Variants in TASL observed in about 807,000 individuals in gnomAD.
TASL encodes the protein TLR adapter interacting with SLC15A4 on the lysosome.
TASL carries 6 observed loss-of-function variants against 12.9 expected under a neutral mutation model. That is an observed-to-expected ratio of 0.46 (90% CI 0.25 to 0.92). The LOEUF is 0.92. TASL is among the 40% of genes least tolerant of loss of function. The pLI is 0.17. For missense variants in TASL, 165 were observed against 212.8 expected, an observed-to-expected ratio of 0.78 and a Z score of 1.40; for synonymous variants, 85 against 79.3, an observed-to-expected ratio of 1.07 and a Z score of -0.38.
intron 2 of TASL, among the ~76,000 whole-genome samples, chrX:30,570,742 A>C (rs1185801445): frequency 8.9e-6 from 1 of 112,364 alleles, no homozygotes; most frequent in Non-Finnish European, 1.9e-5. Context: ...GGAGGCTTTT[A>C]AAAGACCTTT....
rs1472086282 is a variant in TASL at position 30,576,342 on chromosome X, G to A, written c.-2+410C>T. Reference sequence around the variant, plus strand: ...AGCAACATACTTTCAAACCATTCAGGGAAAAAACTGTGCATATGTGCATGC... The same window carrying A: ...AGCAACATACTTTCAAACCATTCAGAGAAAAAACTGTGCATATGTGCATGC... On this transcript the variant is annotated intron_variant, in intron 2 of 2. Transcript: ENST00000378962. 2.7e-5 allele frequency among the ~76,000 whole-genome samples: 3 copies of A among 110,431 alleles called. No homozygotes were observed. In the East Asian group the frequency reaches 8.4e-4, roughly 31 times the overall value.
chrX:30,560,159 G>C lies in TASL; in HGVS notation c.197C>G (p.Ser66Cys), dbSNP rs1930397427. 1 of 1,208,793 alleles carries C rather than the reference G, an allele frequency of 8.3e-7. No homozygotes were observed. Among genetic ancestry groups the C allele is most frequent in the Non-Finnish European group, 1.1e-6 (1 of 894,513 alleles). ...TTGGCTCTCTCTTGAATGCACTGAA[G>C]AGATAAACTTGCCAGATGATTTGCA... The part of the protein sequence containing the change: ...VSCKSSGKFI[S>C]SVHSRESQHS... The change falls in exon 3 of 3, where the codon TCT becomes TGT. Residue 66 changes from serine to cysteine, a missense_variant. Physicochemically the swap from Ser to Cys is moderately radical, Grantham distance 112. Transcript: ENST00000378962.
intron 2 of TASL, among the ~76,000 whole-genome samples, chrX:30,571,646 G>A (rs1279984381): frequency 1.9e-5 from 2 of 107,688 alleles, no homozygotes; most frequent in Non-Finnish European, 3.9e-5. Flanking sequence ...GGGGGGGGGG[G>A]CATTACTGCA....
chrX:30,559,902 A>G lies in TASL; in HGVS notation c.454T>C (p.Tyr152His). 1 of 1,211,702 alleles carries G rather than the reference A, an allele frequency of 8.3e-7. No individual in the cohort carries two copies. Among genetic ancestry groups the G allele is most frequent in the Non-Finnish European group, 1.1e-6 (1 of 895,311 alleles). Residue 152 changes from tyrosine to histidine, a missense_variant, in exon 3 of 3, where the codon TAT becomes CAT. Transcript: ENST00000378962. ...TCAGATGACTTCAGCAAAGGGCCAT[A>G]TTCAAAACTGCTCTCAGAGGGAAAA... ...TDFPSESSFE[Y>H]GPLLKSSEIP... is the part of the protein sequence containing the mutation.
At chrX:30,570,873 T>C (rs1053175691) in intron 2 of TASL, among the ~76,000 whole-genome samples, 9 of 111,535 alleles carry the variant, frequency 8.1e-5, no homozygotes, top group Non-Finnish European at 1.5e-4. Context: ...TCTTCCACTT[T>C]AATGCACTTA....
chrX:30,560,821 T>C (rs748739460), intron 2 of TASL, among the ~76,000 whole-genome samples: 11 of 110,062 alleles, frequency 1.0e-4, no homozygotes, highest in South Asian at 4.0e-4. Context: ...ACTCACCACA[T>C]ACAAAGAAGC....
chrX:30,567,630 G>A (rs1930518532), intron 2 of TASL, among the ~76,000 whole-genome samples: 1 of 111,672 alleles, frequency 9.0e-6, no homozygotes, highest in Non-Finnish European at 1.9e-5. Context: ...GTGAGAGGAA[G>A]GGGACAAAGT....
In TASL at chrX:30,571,270, G is replaced by GAAAGAAAGAA. The variant is rs1569306089; in HGVS notation, c.-2+5472_-2+5481dup. On this transcript the variant is annotated intron_variant, in intron 2 of 2. Coordinates refer to ENST00000378962, the MANE Select transcript of TASL (RefSeq NM_025159.3). ...AGAGAAAGAAAGAGAAAGAAAGAAA[G>GAAAGAAAGAA]AAAGAAAGAAAGAAAGAAAGAAAGA... Among the ~76,000 whole-genome samples the GAAAGAAAGAA allele has an allele frequency of 2.3e-3, 110 of 48,519 alleles. 4 individuals are homozygous for GAAAGAAAGAA. The highest frequency in any genetic ancestry group is 5.6e-3 in the African/African-American group (87 of 15,600). The allele number at this position is 48,519 out of a possible 115,157, so 42.1% of individuals were successfully genotyped here.
At chrX:30,577,557 T>C (rs1205295717) in intron 1 of TASL, 81 bp downstream of exon 1, 1 of 112,010 alleles carries the variant, frequency 8.9e-6, no homozygotes, top group Non-Finnish European at 1.9e-5. Flanking sequence ...GCTCTCGTGA[T>C]AAAGGGCTAA....
At chrX:30,564,841 G>A (rs778927468) in intron 2 of TASL, among the ~76,000 whole-genome samples, 32 of 111,702 alleles carry the variant, frequency 2.9e-4, no homozygotes, top group African/African-American at 1.0e-3. Flanking sequence ...CTTAAACTCG[G>A]ATAGCCTGAG....
chrX:30,570,779 T>C (rs947916535), intron 2 of TASL, among the ~76,000 whole-genome samples: 8 of 112,154 alleles, frequency 7.1e-5, no homozygotes, highest in African/African-American at 2.6e-4. Flanking sequence ...TAATAATACA[T>C]AAAATTTATA....
At chrX:30,571,258 G>GAAAGAAAGAAAGAAAGAAAGAAAGAA (rs1930597598) in intron 2 of TASL, among the ~76,000 whole-genome samples, 1 of 11,888 alleles carries the variant, frequency 8.4e-5, no homozygotes, top group Non-Finnish European at 1.6e-4. Context: ...GAAAGAAAGA[G>GAAAGAAAGAAAGAAAGAAAGAAAGAA]AAAGAAAGAA....
At chrX:30,574,483 A>G (rs1286444895) in intron 2 of TASL, among the ~76,000 whole-genome samples, 1 of 111,781 alleles carries the variant, frequency 8.9e-6, no homozygotes, top group Non-Finnish European at 1.9e-5. Flanking sequence ...GAGGCAAAAC[A>G]GATCCCGCCC....
At chrX:30,576,329 T>C (rs956040023) in intron 2 of TASL, among the ~76,000 whole-genome samples, 5 of 111,131 alleles carry the variant, frequency 4.5e-5, no homozygotes, top group African/African-American at 6.6e-5. Flanking sequence ...CAACATACTT[T>C]CAAACCATTC....
chrX:30,576,249 T>C (rs1930702823), intron 2 of TASL, among the ~76,000 whole-genome samples: 1 of 111,967 alleles, frequency 8.9e-6, no homozygotes, highest in Non-Finnish European at 1.9e-5. Context: ...TAATGTGTTA[T>C]AGAAGACTGC....
At position 30,559,500 on chromosome X, in the gene TASL, T is replaced by C; in HGVS notation, c.856A>G (p.Ile286Val). 1 of 1,203,637 alleles carries C rather than the reference T, an allele frequency of 8.3e-7. No individual in the cohort carries two copies. Among genetic ancestry groups the C allele is most frequent in the Non-Finnish European group, 1.1e-6 (1 of 890,216 alleles). Residue 286 changes from isoleucine (I) to valine (V), a missense_variant, in exon 3 of 3, where the codon ATT becomes GTT. Ile to Val is a conservative substitution (Grantham distance 29). Coordinates refer to ENST00000378962, the MANE Select transcript of TASL (RefSeq NM_025159.3). Reference protein sequence around the residue: ...LQLMSTEITEISTPSLHISQY... With the variant: ...LQLMSTEITEVSTPSLHISQY... ...GAAATATGGAGACTAGGAGTGCTAA[T>C]TTCAGTAATTTCAGTTGACATCAAT...
intron 2 of TASL, among the ~76,000 whole-genome samples, chrX:30,567,173 G>A (rs1363884987): frequency 1.8e-5 from 2 of 109,857 alleles, no homozygotes; most frequent in African/African-American, 6.6e-5. Flanking sequence ...CTACTTGGCA[G>A]GCTGAGGTGG....
At chrX:30,571,639 G>C (rs777302021) in intron 2 of TASL, among the ~76,000 whole-genome samples, 3 of 108,784 alleles carry the variant, frequency 2.8e-5, no homozygotes, top group African/African-American at 1.0e-4. Flanking sequence ...AAAAAAAGGG[G>C]GGGGGGGCAT....
chrX:30,575,800 G>A (rs956133577), intron 2 of TASL, among the ~76,000 whole-genome samples: 11 of 111,502 alleles, frequency 9.9e-5, no homozygotes, highest in Non-Finnish European at 1.7e-4. Flanking sequence ...AATTTTCTTA[G>A]TTCAGAAAAT....
Sources: gnomAD v4.1 joint callset for allele counts (sites outside exome capture counted in the v4.1 genomes callset) on GRCh38, gnomAD v4.1.1 for gene constraint, MANE v1.5 for transcripts, NCBI Gene and HGNC (gene_info 2026-07-23, HGNC 2026-07-21) for gene names.